Variants in CSMD1 observed in about 807,000 individuals in gnomAD.
CSMD1 encodes the protein CUB and Sushi multiple domains 1, also known as CUB and sushi domain-containing protein 1.
A neutral mutation model predicts 417.5 loss-of-function variants in CSMD1; 213 were observed. The ratio of observed to expected loss-of-function variants is 0.51; its 90% CI spans 0.46 to 0.57. The LOEUF is 0.57. CSMD1 is among the 20% of genes least tolerant of loss of function. The probability of loss-of-function intolerance (pLI) is 0.00; values close to 1 mark genes in which losing one functional copy is unlikely to be tolerated. For synonymous variants in CSMD1, 2,862 were observed against 1,736.8 expected, an observed-to-expected ratio of 1.65 and a Z score of -16.11; for missense variants, 6,923 against 4,529.7, an observed-to-expected ratio of 1.53 and a Z score of -15.17.
intron 46 of CSMD1, among the ~76,000 whole-genome samples, chr8:3,102,821 A>C (rs1815856850): frequency 6.6e-6 from 1 of 152,240 alleles, no homozygotes; most frequent in East Asian, 1.9e-4. Flanking sequence ...CTGGAAGGTA[A>C]CAAAGAGTTT....
intron 39 of CSMD1, among the ~76,000 whole-genome samples, chr8:3,157,642 G>A (rs1819614760): frequency 6.6e-6 from 1 of 152,208 alleles, no homozygotes; most frequent in South Asian, 2.1e-4. Context: ...TTGGTGCAGG[G>A]CCGTGAGCGG....
chr8:4,186,692 A>G (rs1208389023), intron 3 of CSMD1, among the ~76,000 whole-genome samples: 1 of 152,094 alleles, frequency 6.6e-6, no homozygotes, highest in Non-Finnish European at 1.5e-5. Context: ...TATTAAGACT[A>G]AATATTTTTT....
At chr8:4,214,288 A>G (rs976815658) in intron 3 of CSMD1, among the ~76,000 whole-genome samples, 42 of 152,194 alleles carry the variant, frequency 2.8e-4, no homozygotes, top group African/African-American at 1.0e-3. Flanking sequence ...TATTAAAATT[A>G]GTAGTAATAG....
chr8:3,566,222 G>A (rs1201685609), intron 10 of CSMD1, among the ~76,000 whole-genome samples: 2 of 151,926 alleles, frequency 1.3e-5, no homozygotes, highest in African/African-American at 2.4e-5. Context: ...AGAGGGAAGA[G>A]GAAGGGGATG....
At chr8:3,691,837 G>A (rs1007810372) in intron 7 of CSMD1, among the ~76,000 whole-genome samples, 3 of 152,170 alleles carry the variant, frequency 2.0e-5, no homozygotes, top group Non-Finnish European at 4.4e-5. Context: ...TGATGAAAGA[G>A]AGTCTGTAAC....
At chr8:3,735,304 AAAAC>A (rs1026826618) in intron 6 of CSMD1, among the ~76,000 whole-genome samples, 8 of 109,534 alleles carry the variant, frequency 7.3e-5, no homozygotes, top group African/African-American at 1.9e-4. Context: ...GGCAAGATAA[AAAAC>A]AAACAAAACA....
chr8:4,134,753 A>AAT (rs1158191878), intron 3 of CSMD1, among the ~76,000 whole-genome samples: 1 of 152,188 alleles, frequency 6.6e-6, no homozygotes, highest in Non-Finnish European at 1.5e-5. Context: ...TCATGTCTCC[A>AAT]ATATACCCCT....
At chr8:4,270,654 G>A (rs181841740) in intron 3 of CSMD1, among the ~76,000 whole-genome samples, 3 of 152,276 alleles carry the variant, frequency 2.0e-5, no homozygotes, top group Middle Eastern at 3.4e-3. Flanking sequence ...TGAAGATCGC[G>A]TGTCTGCCAA....
At chr8:4,047,960 TC>T (rs1231775637) in intron 3 of CSMD1, among the ~76,000 whole-genome samples, 1 of 152,180 alleles carries the variant, frequency 6.6e-6, no homozygotes, top group Non-Finnish European at 1.5e-5. Context: ...TCATGTTGAG[TC>T]CTTAGGCCTT....
intron 5 of CSMD1, among the ~76,000 whole-genome samples, chr8:3,776,807 G>GATAGATATATATATATATATAT (rs1554432749): frequency 2.1e-5 from 3 of 139,938 alleles, no homozygotes; most frequent in African/African-American, 8.6e-5. Flanking sequence ...ATATAGACGA[G>GATAGATATATATATATATATAT]ATATATATAT....
intron 5 of CSMD1, among the ~76,000 whole-genome samples, chr8:3,988,581 G>A (rs12680984): frequency 6.6e-6 from 1 of 151,922 alleles, no homozygotes; most frequent in African/African-American, 2.4e-5. Context: ...ATTTTGAAAA[G>A]ATCTCCAGTG....
intron 3 of CSMD1, among the ~76,000 whole-genome samples, chr8:4,142,508 C>A (rs948013321): frequency 6.6e-6 from 1 of 151,290 alleles, no homozygotes; most frequent in African/African-American, 2.5e-5. Flanking sequence ...GAAAAAGGAG[C>A]TGTTCTAGAT....
At chr8:4,385,535 T>C (rs530604682) in intron 3 of CSMD1, among the ~76,000 whole-genome samples, 94 of 152,334 alleles carry the variant, frequency 6.2e-4, no homozygotes, top group African/African-American at 2.2e-3. Context: ...ATTAATCTCC[T>C]TTCATTTTTT....
Position 4,982,723 on chromosome 8 carries a change from A to G in CSMD1, c.85+11609T>C, listed in dbSNP as rs551811045. On this transcript the variant is annotated intron_variant, in intron 1 of 69. Coordinates refer to ENST00000635120, the MANE Select transcript of CSMD1 (RefSeq NM_033225.6). The stretch of plus-strand genomic sequence containing the variant: ...TCCATCCATCATAAAAACTGAAAGA[A>G]AAACACATTTGCTAGGAGATATAGA... Among the ~76,000 whole-genome samples, 55 of 152,360 alleles carry G rather than the reference A, an allele frequency of 3.6e-4. 1 individual carries two copies. In the South Asian group the frequency reaches 4.1e-3, roughly 11 times the overall value.
At position 4,626,461 on chromosome 8, in the gene CSMD1, G is replaced by A. The variant is rs1448761450; in HGVS notation, c.302+10881C>T. 2.0e-5 allele frequency among the ~76,000 whole-genome samples: 3 copies of A among 152,110 alleles called. No homozygotes were observed. The South Asian group carries it at 6.2e-4, about 31-fold the overall frequency. On this transcript the variant is annotated intron_variant, in intron 2 of 69. Transcript: ENST00000635120. Reference sequence around the variant, plus strand: ...TGAACCTTCTGTTTGAGGGTTTAGTGTGAGATGGGTGCAACATTTGAGCTT... The same window carrying A: ...TGAACCTTCTGTTTGAGGGTTTAGTATGAGATGGGTGCAACATTTGAGCTT...
Position 3,308,319 on chromosome 8 carries a change from C to A in CSMD1, c.3816G>T (p.Ser1272=), listed in dbSNP as rs368827101. 8 of 1,607,196 alleles carry A rather than the reference C, an allele frequency of 5.0e-6. No homozygotes were observed. The highest frequency in any genetic ancestry group is 1.7e-5 in the Admixed American group (1 of 59,884). The part of the protein sequence containing the change: ...DRRVWDKPLP[S]CIAECGGQIH... ...GACTGCTTCCACACTCACCTATGCA[C>A]GAAGGTAGTGGTTTGTCCCACACTC... Residue 1272 remains serine (S), a synonymous_variant, in exon 24 of 70, where the codon TCG becomes TCT. Transcript: ENST00000635120.
At chr8:4,076,583 G>C (rs1035709912) in intron 3 of CSMD1, among the ~76,000 whole-genome samples, 1 of 152,198 alleles carries the variant, frequency 6.6e-6, no homozygotes, top group East Asian at 1.9e-4. Context: ...ATATATTAAG[G>C]ATTCATGTCC....
chr8:4,123,922 A>G (rs539253905), intron 3 of CSMD1, among the ~76,000 whole-genome samples: 2 of 152,204 alleles, frequency 1.3e-5, no homozygotes, highest in African/African-American at 4.8e-5. Flanking sequence ...TCTTACAAAG[A>G]AGTTTCTTAT....
intron 41 of CSMD1, among the ~76,000 whole-genome samples, chr8:3,121,481 C>A (rs570940082): frequency 6.6e-5 from 10 of 152,294 alleles, no homozygotes; most frequent in African/African-American, 2.4e-4. Context: ...CTATGTGAGA[C>A]AAATTCCTCC....
Sources: gnomAD v4.1 joint callset for allele counts (sites outside exome capture counted in the v4.1 genomes callset) on GRCh38, gnomAD v4.1.1 for gene constraint, MANE v1.5 for transcripts, NCBI Gene and HGNC (gene_info 2026-07-23, HGNC 2026-07-21) for gene names.